ZC3H4: variants seen among roughly 807,000 people sequenced by gnomAD.
ZC3H4 encodes zinc finger CCCH-type containing 4, also known as zinc finger CCCH domain-containing protein 4.
ZC3H4 carries 13 observed loss-of-function variants against 108.3 expected under a neutral mutation model. The ratio of observed to expected loss-of-function variants is 0.12; its 90% CI spans 0.08 to 0.19. The LOEUF is 0.19. Ranked by LOEUF, ZC3H4 falls within the 10% of genes least tolerant of loss-of-function variation. The pLI, the probability that ZC3H4 is intolerant of heterozygous loss-of-function variation, is 1.00. For missense variants in ZC3H4, 1,734 were observed against 1,838.8 expected (o/e 0.94, Z 1.04); for synonymous variants, 917 against 749.6 (o/e 1.22, Z -3.65).
intron 9 of ZC3H4, among the ~76,000 whole-genome samples, chr19:47,083,975 G>A (rs2057568990): frequency 6.6e-6 from 1 of 152,056 alleles, no homozygotes; most frequent in Admixed American, 6.6e-5. Context: ...CTCCTCTTCT[G>A]TTTGGATGCT....
intron 2 of ZC3H4, among the ~76,000 whole-genome samples, chr19:47,109,164 G>A (rs972230910): frequency 6.6e-6 from 1 of 152,112 alleles, no homozygotes; most frequent in South Asian, 2.1e-4. Flanking sequence ...GGGGAAAAAA[G>A]GCAGTACTGT....
Position 47,081,641 on chromosome 19 carries a change from T to C in ZC3H4, c.1331-19A>G. 1 of 1,605,026 alleles carries C rather than the reference T, an allele frequency of 6.2e-7. No homozygotes were observed. Among genetic ancestry groups the C allele is most frequent in the Non-Finnish European group, 8.5e-7 (1 of 1,171,870 alleles). On this transcript the variant is annotated intron_variant, in intron 10 of 14. Transcript: ENST00000253048. Reference sequence around the variant, plus strand: ...AAATCACGTTCATGGCAAATTAAGGTAAATGCTTCATCTCACAGAACGCCC... The same window carrying C: ...AAATCACGTTCATGGCAAATTAAGGCAAATGCTTCATCTCACAGAACGCCC...
intron 10 of ZC3H4, 120 bp from the exon 11 acceptor site, chr19:47,081,742 T>C: frequency 1.2e-6 from 1 of 858,198 alleles, no homozygotes; most frequent in Non-Finnish European, 1.9e-6. Flanking sequence ...CCCAGAGAGG[T>C]GAGGCGATGT....
intron 4 of ZC3H4, among the ~76,000 whole-genome samples, chr19:47,092,939 G>C (rs990401866): frequency 6.6e-6 from 1 of 152,102 alleles, no homozygotes. Context: ...ATTTGCGGCC[G>C]GGCGCGGTGG....
rs193061859 is a variant in ZC3H4 at position 47,066,662 on chromosome 19, C to T, written c.3606G>A (p.Gly1202=). 1,236 of 1,611,796 alleles carry T rather than the reference C, an allele frequency of 7.7e-4. 11 individuals are homozygous for T. In the East Asian group the frequency reaches 0.017, roughly 22 times the overall value. ...GGGTGCCCCCATCAGCACCGGCCTT[C>T]CCTGTCTCTGGCTGTTCCAGGGCAG... ...RKSALEQPET[G]KAGADGGTPT... Residue 1202 remains glycine, a synonymous_variant, in exon 15 of 15, where the codon GGG becomes GGA. Coordinates refer to ENST00000253048, the MANE Select transcript of ZC3H4 (RefSeq NM_015168.2).
At chr19:47,096,374 G>A (rs1377534750) in intron 2 of ZC3H4, among the ~76,000 whole-genome samples, 2 of 152,220 alleles carry the variant, frequency 1.3e-5, no homozygotes, top group Non-Finnish European at 2.9e-5. Context: ...CAAGGGAGGT[G>A]CCTTCCCGCT....
chr19:47,087,297 C>A (rs309196), intron 5 of ZC3H4, among the ~76,000 whole-genome samples: 42,979 of 146,102 alleles, frequency 0.29, 7,817 homozygotes, highest in East Asian at 0.53. Context: ...CACACACACA[C>A]AAAAAAAAAC....
intron 2 of ZC3H4, chr19:47,111,015 G>A (rs1005363378): frequency 2.7e-6 from 2 of 732,652 alleles, no homozygotes; most frequent in Admixed American, 6.3e-5. Context: ...CGTACGTACA[G>A]CCTGGCAAGG....
Position 47,078,728 on chromosome 19 carries a change from CT to C in ZC3H4, c.1440+2784del. On this transcript the variant is annotated intron_variant, in intron 11 of 14. Coordinates refer to ENST00000253048, the MANE Select transcript of ZC3H4 (RefSeq NM_015168.2). ...TACAAAACTCAGCTGGGCATGGTGG[CT>C]GGCACCTGTAATCCCAGCTACTCAG... Among the ~76,000 whole-genome samples the C allele has an allele frequency of 2.0e-5, 3 of 152,160 alleles. No homozygotes were observed. The South Asian group carries it at 6.2e-4, about 32-fold the overall frequency.
chr19:47,069,056 G>C (rs766908499), intron 14 of ZC3H4, 36 bp downstream of exon 14: 1 of 1,600,904 alleles, frequency 6.2e-7, no homozygotes, highest in Non-Finnish European at 8.5e-7. Context: ...ACAGCGGCCT[G>C]GGGCCTGTGC....
chr19:47,112,949 AGG>A (rs2058059932), intron 1 of ZC3H4, among the ~76,000 whole-genome samples: 1 of 150,864 alleles, frequency 6.6e-6, no homozygotes, highest in Non-Finnish European at 1.5e-5. Context: ...GCGAAGGGTA[AGG>A]GGAGAAGAGG....
intron 2 of ZC3H4, chr19:47,112,160 A>T: frequency 9.1e-7 from 1 of 1,104,428 alleles, no homozygotes; most frequent in Non-Finnish European, 1.1e-6. Context: ...TCCCCTCAGC[A>T]TGGCGCCCAA....
intron 13 of ZC3H4, among the ~76,000 whole-genome samples, chr19:47,070,968 C>G (rs866783948): frequency 6.6e-6 from 1 of 152,034 alleles, no homozygotes; most frequent in Non-Finnish European, 1.5e-5. Context: ...GCAGCTGCCA[C>G]AGCAGCTCCC....
In ZC3H4 at chr19:47,074,352, G is replaced by A. The variant is rs574393866; in HGVS notation, c.1441-1639C>T. Among the ~76,000 whole-genome samples the A allele has an allele frequency of 3.9e-5, 6 of 152,306 alleles. No individual in the cohort carries two copies. In the South Asian group the frequency reaches 1.2e-3, roughly 32 times the overall value. The stretch of plus-strand genomic sequence containing the variant: ...CTCCCCATCAACTCCAAGAGGGCAG[G>A]ACTGTTTCTTCCCTGCTATATCCCC... On this transcript the variant is annotated intron_variant, in intron 11 of 14. Transcript: ENST00000253048.
intron 2 of ZC3H4, among the ~76,000 whole-genome samples, chr19:47,103,461 G>C (rs914219267): frequency 3.3e-5 from 5 of 152,054 alleles, no homozygotes; most frequent in African/African-American, 1.2e-4. Context: ...GCACCACCAT[G>C]CCCAGCTAAT....
At chr19:47,077,862 A>C (rs977870995) in intron 11 of ZC3H4, among the ~76,000 whole-genome samples, 2 of 121,402 alleles carry the variant, frequency 1.6e-5, no homozygotes, top group Non-Finnish European at 3.2e-5. Context: ...CGTCTCAAAC[A>C]AAAAAAAAAA....
At chr19:47,069,853 G>A (rs894738965) in intron 13 of ZC3H4, among the ~76,000 whole-genome samples, 10 of 152,318 alleles carry the variant, frequency 6.6e-5, no homozygotes, top group African/African-American at 2.4e-4. Context: ...TGCTGCTCTG[G>A]CCACAGGTCA....
chr19:47,078,162 AT>A (rs1423089700), intron 11 of ZC3H4, among the ~76,000 whole-genome samples: 3 of 151,880 alleles, frequency 2.0e-5, no homozygotes, highest in African/African-American at 4.8e-5. Context: ...AACTATCTCT[AT>A]TTTTTTCATT....
Position 47,086,517 on chromosome 19 carries a change from C to A in ZC3H4, c.737G>T (p.Gly246Val), listed in dbSNP as rs764622080. 1 of 1,595,734 alleles carries A rather than the reference C, an allele frequency of 6.3e-7. No homozygotes were observed. The highest frequency in any genetic ancestry group is 1.8e-5 in the Admixed American group (1 of 56,948). Residue 246 changes from glycine (G) to valine (V), a missense_variant, in exon 6 of 15, where the codon GGC becomes GTC. Gly to Val is a moderately radical substitution (Grantham distance 109, BLOSUM62 -3). Transcript: ENST00000253048. ...RGRGSRGRGRGYRGRGSRGGS... is the reference protein window; with the variant it reads ...RGRGSRGRGRVYRGRGSRGGS... The stretch of plus-strand genomic sequence containing the variant: ...TCCACGGCTTCCTCGGCCCCTGTAG[C>A]CCCGGCCCCGGCCTCGGCTGCCTGC...
Sources: allele counts gnomAD v4.1 joint callset (sites outside exome capture counted in the v4.1 genomes callset), GRCh38; gene constraint gnomAD v4.1.1; transcripts MANE v1.5; gene names NCBI Gene and HGNC (gene_info 2026-07-23, HGNC 2026-07-21).